Variants in SLC14A2 observed in about 807,000 individuals in gnomAD.
The protein encoded by SLC14A2 is solute carrier family 14 member 2, also known as urea transporter 2.
SLC14A2 carries 91 observed loss-of-function variants against 104.6 expected under a neutral mutation model. The ratio of observed to expected loss-of-function variants is 0.87; its 90% CI spans 0.73 to 1.04. The LOEUF (loss-of-function observed/expected upper bound fraction) is 1.04. SLC14A2 is among the 50% of genes least tolerant of loss of function. The pLI is 0.00. For missense variants in SLC14A2, 1,189 were observed against 1,156.0 expected, an observed-to-expected ratio of 1.03 and a Z score of -0.41; for synonymous variants, 476 against 466.4, an observed-to-expected ratio of 1.02 and a Z score of -0.27.
At position 45,311,980 on chromosome 18, in the gene SLC14A2, G is replaced by A. The variant is rs111575071; in HGVS notation, c.-125+98789G>A. Among the ~76,000 whole-genome samples, 7 of 152,296 alleles carry A rather than the reference G, an allele frequency of 4.6e-5. 1 individual carries two copies. Among genetic ancestry groups the A allele is most frequent in the African/African-American group, 1.7e-4 (7 of 41,572 alleles). On this transcript the variant is annotated intron_variant, in intron 1 of 20. Coordinates refer to the SLC14A2 transcript ENST00000586448. ...GCTATGACTATCTAAAAATAGTCAT[G>A]GATACCTTCAAGTGAAGAAGTCTTA...
chr18:45,259,905 C>T (rs2144095765), intron 1 of SLC14A2, among the ~76,000 whole-genome samples: 1 of 152,240 alleles, frequency 6.6e-6, no homozygotes, highest in South Asian at 2.1e-4. Flanking sequence ...GAGCACAAAG[C>T]TTGAGCATTG....
chr18:45,665,328 C>A (rs2045999797), intron 11 of SLC14A2, among the ~76,000 whole-genome samples: 1 of 152,150 alleles, frequency 6.6e-6, no homozygotes. Flanking sequence ...AAGGAAACTT[C>A]CAGGGGCCTG....
the SLC14A2 span, among the ~76,000 whole-genome samples, chr18:45,206,892 A>G: frequency 2.0e-5 from 3 of 152,184 alleles, no homozygotes; most frequent in Non-Finnish European, 4.4e-5. Context: ...TTGTGGAAAT[A>G]AGGGCCTTTA....
At chr18:45,641,171 C>T (rs749774918) in intron 7 of SLC14A2, 38 bp from the exon 8 acceptor site, 20 of 1,606,746 alleles carry the variant, frequency 1.2e-5, no homozygotes, top group Non-Finnish European at 1.7e-5. Context: ...TGTTCTGTGG[C>T]CCAGAATCAG....
At chr18:45,240,165 C>T (rs553901943) in intron 1 of SLC14A2, among the ~76,000 whole-genome samples, 19 of 139,892 alleles carry the variant, frequency 1.4e-4, no homozygotes, top group Non-Finnish European at 2.2e-4. Context: ...GGTGCAATCT[C>T]GGCTCACTGC....
At chr18:45,168,420 C>A in the SLC14A2 span, among the ~76,000 whole-genome samples, 3 of 152,164 alleles carry the variant, frequency 2.0e-5, no homozygotes, top group Non-Finnish European at 4.4e-5. Context: ...ATGTAAAACA[C>A]TGAGTGCCTC....
At chr18:45,337,070 G>A (rs914600386) in intron 1 of SLC14A2, among the ~76,000 whole-genome samples, 3 of 151,980 alleles carry the variant, frequency 2.0e-5, no homozygotes, top group Non-Finnish European at 4.4e-5. Context: ...CGTGTATTGG[G>A]TTGTATACCT....
At chr18:45,520,802 A>G (rs1158961380) in intron 2 of SLC14A2, among the ~76,000 whole-genome samples, 1 of 152,148 alleles carries the variant, frequency 6.6e-6, no homozygotes, top group Admixed American at 6.5e-5. Context: ...AGAACAATCT[A>G]TCTAATTTGT....
At chr18:45,511,670 T>C (rs563607582) in intron 2 of SLC14A2, among the ~76,000 whole-genome samples, 3 of 152,242 alleles carry the variant, frequency 2.0e-5, no homozygotes, top group Admixed American at 1.3e-4. Flanking sequence ...CTCAGGTGTA[T>C]GTGTTTGAGA....
At chr18:45,309,475 T>C (rs1423017320) in intron 1 of SLC14A2, among the ~76,000 whole-genome samples, 1 of 152,186 alleles carries the variant, frequency 6.6e-6, no homozygotes, top group African/African-American at 2.4e-5. Context: ...ATTCCCATTG[T>C]ACAGATGGAT....
Position 45,673,884 on chromosome 18 carries a change from T to C in SLC14A2, c.2512+67T>C. 3 of 1,490,350 alleles carry C rather than the reference T, an allele frequency of 2.0e-6. No homozygotes were observed. The South Asian group carries it at 3.5e-5, about 17-fold the overall frequency. 92.3% of individuals were successfully genotyped at this position (1,490,350 alleles called of 1,614,324 possible). The stretch of plus-strand genomic sequence containing the variant: ...CTTTTTACATAAAACTGTTTTTTTA[T>C]GTTTTTTAATGGTTATTTAGTAATT... On this transcript the variant is annotated intron_variant, in intron 18 of 19. Coordinates refer to ENST00000255226, the MANE Select transcript of SLC14A2 (RefSeq NM_007163.4).
intron 1 of SLC14A2, among the ~76,000 whole-genome samples, chr18:45,482,894 G>C (rs1270377562): frequency 6.6e-6 from 1 of 152,212 alleles, no homozygotes; most frequent in East Asian, 1.9e-4. Context: ...TACTGGCAAA[G>C]GATATTCATT....
chr18:45,321,907 A>G (rs1049099218), intron 1 of SLC14A2, among the ~76,000 whole-genome samples: 12 of 152,118 alleles, frequency 7.9e-5, no homozygotes, highest in African/African-American at 2.9e-4. Context: ...CTGTCAACTG[A>G]GTCATTGAAG....
intron 1 of SLC14A2, among the ~76,000 whole-genome samples, chr18:45,287,896 A>G (rs2084831075): frequency 6.6e-6 from 1 of 152,178 alleles, no homozygotes; most frequent in Admixed American, 6.5e-5. Flanking sequence ...AGCCATGGCC[A>G]TCCTTGACCC....
chr18:45,343,142 CTTTT>C (rs34073750), intron 1 of SLC14A2, among the ~76,000 whole-genome samples: 2 of 132,604 alleles, frequency 1.5e-5, no homozygotes, highest in Non-Finnish European at 3.3e-5. Context: ...GTTCTCTCTG[CTTTT>C]TTTTTTTTTT....
intron 1 of SLC14A2, among the ~76,000 whole-genome samples, chr18:45,344,846 T>G (rs1188765400): frequency 6.6e-6 from 1 of 152,154 alleles, no homozygotes; most frequent in Non-Finnish European, 1.5e-5. Context: ...CACACACCCC[T>G]CATGCTCTCA....
At chr18:45,517,522 T>C (rs1413511987) in intron 2 of SLC14A2, among the ~76,000 whole-genome samples, 2 of 152,234 alleles carry the variant, frequency 1.3e-5, no homozygotes, top group Non-Finnish European at 2.9e-5. Flanking sequence ...GGGTTTGTTA[T>C]TCTTTTAATT....
intron 1 of SLC14A2, among the ~76,000 whole-genome samples, chr18:45,344,731 A>G (rs1214978224): frequency 2.0e-5 from 3 of 152,192 alleles, no homozygotes; most frequent in Non-Finnish European, 2.9e-5. Context: ...TGAACCATTA[A>G]GCCTAGTAAT....
chr18:45,300,073 G>A (rs1410176859), intron 1 of SLC14A2, among the ~76,000 whole-genome samples: 1 of 152,080 alleles, frequency 6.6e-6, no homozygotes, highest in Admixed American at 6.6e-5. Flanking sequence ...TCCGTCTCAG[G>A]GCAAGGTCTA....
Sources: allele counts gnomAD v4.1 joint callset (sites outside exome capture counted in the v4.1 genomes callset), GRCh38; gene constraint gnomAD v4.1.1; transcripts MANE v1.5; gene names NCBI Gene and HGNC (gene_info 2026-07-23, HGNC 2026-07-21).